TET2: variants seen among roughly 807,000 people sequenced by gnomAD.
TET2 encodes tet methylcytosine dioxygenase 2.
Under a neutral mutation model 142.9 loss-of-function variants are expected in TET2, and 299 were observed. The ratio of observed to expected loss-of-function variants is 2.09; its 90% CI spans 1.90 to 2.30. The LOEUF (loss-of-function observed/expected upper bound fraction) is 2.30. TET2 is among the 30% of genes most tolerant of loss of function. The pLI is 0.00. For missense variants in TET2, 2,418 were observed against 2,378.0 expected (o/e 1.02, Z -0.35); for synonymous variants, 819 against 849.0 (o/e 0.96, Z 0.61).
intron 2 of TET2, among the ~76,000 whole-genome samples, chr4:105,197,820 C>G (rs1318774917): frequency 6.6e-6 from 1 of 152,152 alleles, no homozygotes; most frequent in Non-Finnish European, 1.5e-5. Flanking sequence ...AGGTTTTTCC[C>G]TTTACTCACT....
chr4:105,268,340 G>A (rs990213806), intron 8 of TET2, among the ~76,000 whole-genome samples: 1 of 151,980 alleles, frequency 6.6e-6, no homozygotes, highest in African/African-American at 2.4e-5. Flanking sequence ...TGACAAAAAT[G>A]TATAAGATTA....
At chr4:105,233,067 C>T (rs997228393) in intron 2 of TET2, among the ~76,000 whole-genome samples, 16 of 152,078 alleles carry the variant, frequency 1.1e-4, no homozygotes, top group Admixed American at 7.9e-4. Flanking sequence ...GCAGACGGGG[C>T]TAGGGGAGGA....
In TET2 at chr4:105,275,326, G is replaced by A. The variant is rs763874158; in HGVS notation, c.4816G>A (p.Gly1606Ser). The A allele has an allele frequency of 6.4e-7, 1 of 1,551,716 alleles. No homozygotes were observed. The highest frequency in any genetic ancestry group is 1.4e-5 in the African/African-American group (1 of 73,030). Residue 1606 changes from glycine to serine, a missense_variant, in exon 11 of 11, where the codon GGT becomes AGT. Transcript: ENST00000380013. The stretch of plus-strand genomic sequence containing the variant: ...CTATTCCACCTCATCTCAAGCTGCA[G>A]GTTCATATTTGAATTCTTCTAATCC... Reference protein sequence around the residue: ...NFYSTSSQAAGSYLNSSNPMN... With the variant: ...NFYSTSSQAASSYLNSSNPMN...
intron 2 of TET2, among the ~76,000 whole-genome samples, chr4:105,219,871 G>A (rs982068252): frequency 5.3e-5 from 8 of 151,916 alleles, no homozygotes; most frequent in Non-Finnish European, 1.2e-4. Context: ...TTGATTCCTC[G>A]TTAGCTGCCC....
Position 105,172,468 on chromosome 4 carries a change from T to C in TET2, c.-192-17892T>C, listed in dbSNP as rs575548277. ...TAAAGATCTTCATCCTTTGTTGTCT[T>C]CACCTTGAGTATGCTGAAGAAGAGG... is the stretch of plus-strand genomic sequence containing the variant. On this transcript the variant is annotated intron_variant, in intron 1 of 10. Coordinates refer to ENST00000380013, the MANE Select transcript of TET2 (RefSeq NM_001127208.3). The C allele has an allele frequency of 4.6e-5, 7 of 152,354 alleles. No individual in the cohort carries two copies. The South Asian group carries it at 1.4e-3, about 32-fold the overall frequency. 9.4% of individuals were successfully genotyped at this position (152,354 alleles called of 1,614,324 possible). A position where few individuals can be genotyped will look rare whatever the true frequency, so the allele number is the denominator to read the frequency against.
At chr4:105,162,645 T>C (rs1723912815) in intron 1 of TET2, among the ~76,000 whole-genome samples, 1 of 152,224 alleles carries the variant, frequency 6.6e-6, no homozygotes, top group Non-Finnish European at 1.5e-5. Flanking sequence ...TAGAAGCTAG[T>C]GTAGTAACTT....
Position 105,197,114 on chromosome 4 carries a change from T to G in TET2, c.-47+6609T>G, listed in dbSNP as rs577898502. On this transcript the variant is annotated intron_variant, in intron 2 of 10. Transcript: ENST00000380013. Reference sequence around the variant, plus strand: ...TTATAAGCAACACTTGTGGAACATTTGATACCTACATTTTTTTCACTAAAG... The same window carrying G: ...TTATAAGCAACACTTGTGGAACATTGGATACCTACATTTTTTTCACTAAAG... Among the ~76,000 whole-genome samples the G allele has an allele frequency of 3.1e-4, 47 of 152,350 alleles. No homozygotes were observed. In the South Asian group the frequency reaches 3.9e-3, roughly 13 times the overall value.
Position 105,243,570 on chromosome 4 carries a change from G to C in TET2, c.3595G>C (p.Val1199Leu), listed in dbSNP as rs1729420171. The C allele has an allele frequency of 6.4e-7, 1 of 1,551,570 alleles. No homozygotes were observed. ...SSQGCPIAKW[V>L]VRRSSSEEKL... ...TGGGATGGAATGGTGATCCACGCAGGTGGTTCGCAGAAGCAGCAGTGAAGA... is the reference window on the plus strand; with the variant it reads ...TGGGATGGAATGGTGATCCACGCAGCTGGTTCGCAGAAGCAGCAGTGAAGA... The change falls in exon 6 of 11, where the codon GTG (valine) becomes CTG (leucine). Residue 1199 changes from valine (V) to leucine (L), a missense_variant and splice_region_variant. Val to Leu is a conservative substitution (Grantham distance 32, BLOSUM62 1). Coordinates refer to ENST00000380013, the MANE Select transcript of TET2 (RefSeq NM_001127208.3).
At chr4:105,181,734 A>G (rs1725133831) in intron 1 of TET2, among the ~76,000 whole-genome samples, 1 of 152,228 alleles carries the variant, frequency 6.6e-6, no homozygotes, top group African/African-American at 2.4e-5. Context: ...AGGAAATCGA[A>G]GATGTGAAAA....
intron 1 of TET2, among the ~76,000 whole-genome samples, chr4:105,176,548 C>T (rs914240563): frequency 1.3e-5 from 2 of 151,992 alleles, no homozygotes; most frequent in Non-Finnish European, 2.9e-5. Context: ...ATTAGCACCC[C>T]AAGAAATGAA....
rs551426841 is a variant in TET2, at chr4:105,278,364, T to C, written c.*1845T>C. ...GGATATTGAACTGAGAGTGAAAGCA[T>C]TGTGTACCATCATTTTTTTCCAAGT... On this transcript the variant is annotated 3_prime_UTR_variant, in exon 11 of 11. Coordinates refer to ENST00000380013, the MANE Select transcript of TET2 (RefSeq NM_001127208.3). 34 of 213,254 alleles carry C rather than the reference T, an allele frequency of 1.6e-4. No individual in the cohort carries two copies. The highest frequency in any genetic ancestry group is 7.3e-4 in the African/African-American group (32 of 44,104). 13.2% of individuals were successfully genotyped at this position (213,254 alleles called of 1,614,324 possible).
At chr4:105,229,398 C>T (rs143875052) in intron 2 of TET2, among the ~76,000 whole-genome samples, 17,244 of 152,182 alleles carry the variant, frequency 0.11, 1,030 homozygotes, top group Middle Eastern at 0.19. Context: ...GCAACCTCCG[C>T]CTCCTGGGTT....
At chr4:105,194,274 A>T (rs1164077613) in intron 2 of TET2, among the ~76,000 whole-genome samples, 1 of 152,112 alleles carries the variant, frequency 6.6e-6, no homozygotes, top group Non-Finnish European at 1.5e-5. Flanking sequence ...AAACAGATCT[A>T]ACTTGTTTAG....
At chr4:105,148,053 T>TACACAC (rs1326276231) in intron 1 of TET2, among the ~76,000 whole-genome samples, 18 of 151,050 alleles carry the variant, frequency 1.2e-4, no homozygotes, top group African/African-American at 4.2e-4. Context: ...CTCTCTCTCA[T>TACACAC]ACACATACAC....
At chr4:105,163,854 A>AGAGAGAGTGTGTGTGT (rs1553942671) in intron 1 of TET2, among the ~76,000 whole-genome samples, 4 of 85,238 alleles carry the variant, frequency 4.7e-5, no homozygotes, top group Non-Finnish European at 7.2e-5. Context: ...AGAGAGAGAG[A>AGAGAGAGTGTGTGTGT]GTGTGTGTGT....
At chr4:105,223,560 G>A (rs914670994) in intron 2 of TET2, among the ~76,000 whole-genome samples, 7 of 152,046 alleles carry the variant, frequency 4.6e-5, no homozygotes, top group South Asian at 2.1e-4. Context: ...CATTTTGCTC[G>A]GGATTTTAGA....
At position 105,236,103 on chromosome 4, in the gene TET2, C is replaced by A. The variant is rs1367316522; in HGVS notation, c.2161C>A (p.His721Asn). The change falls in exon 3 of 11, where the codon CAT (histidine) becomes AAT (asparagine). Residue 721 changes from histidine (H) to asparagine (N), a missense_variant. Transcript: ENST00000380013. ...ATTTTCAAACTCACACCTTTTGCAA[C>A]ATAAGCCTCATAAACAGGCAGCACA... ...EPFSNSHLLQ[H>N]KPHKQAAQTQ... 4.3e-6 allele frequency: 7 copies of A among 1,614,172 alleles called. No homozygotes were observed. In the Admixed American group the frequency reaches 1.0e-4, roughly 23 times the overall value.
chr4:105,209,358 T>A (rs1408662968), intron 2 of TET2, among the ~76,000 whole-genome samples: 1 of 151,962 alleles, frequency 6.6e-6, no homozygotes, highest in African/African-American at 2.4e-5. Context: ...GGAGGAAATC[T>A]GAAATTTCAG....
At position 105,243,746 on chromosome 4, in the gene TET2, G is replaced by GCTCACCAATC; in HGVS notation, c.3772_3781dup (p.Arg1261ProfsTer10). On this transcript the variant is annotated frameshift_variant, in exon 6 of 11. Coordinates refer to ENST00000380013, the MANE Select transcript of TET2 (RefSeq NM_001127208.3). LOFTEE classifies it high-confidence loss of function. ...CCGAGACGCTGAGGAAATACGGCAC[G>GCTCACCAATC]CTCACCAATCGCCGGTGTGCCTTGA... 6.4e-7 allele frequency: 1 copy of GCTCACCAATC among 1,551,498 alleles called. No homozygotes were observed. The highest frequency in any genetic ancestry group is 8.7e-7 in the Non-Finnish European group (1 of 1,146,912).
Sources: allele counts gnomAD v4.1 joint callset (sites outside exome capture counted in the v4.1 genomes callset), GRCh38; gene constraint gnomAD v4.1.1; transcripts MANE v1.5; gene names NCBI Gene and HGNC (gene_info 2026-07-23, HGNC 2026-07-21).